VTCN1: variants seen among roughly 807,000 people sequenced by gnomAD.
VTCN1 encodes V-set domain containing T cell activation inhibitor 1.
VTCN1 carries 26 observed loss-of-function variants against 26.5 expected under a neutral mutation model. The observed-to-expected ratio is 0.98, with a 90% confidence interval of 0.72 to 1.36. VTCN1 has a LOEUF of 1.36. Ranked by LOEUF, VTCN1 falls within the 40% of genes most tolerant of loss-of-function variation. The pLI, the probability that VTCN1 is intolerant of heterozygous loss-of-function variation, is 0.00. For missense variants in VTCN1, 298 were observed against 337.7 expected, an observed-to-expected ratio of 0.88 and a Z score of 0.92; for synonymous variants, 116 against 130.7, an observed-to-expected ratio of 0.89 and a Z score of 0.77.
At chr1:117,184,486 A>G (rs992473786) in intron 1 of VTCN1, among the ~76,000 whole-genome samples, 3 of 152,200 alleles carry the variant, frequency 2.0e-5, no homozygotes, top group African/African-American at 7.2e-5. Flanking sequence ...AAGTGACTTT[A>G]AGCAATTTTT....
At chr1:117,163,410 T>C (rs993471311) in intron 2 of VTCN1, among the ~76,000 whole-genome samples, 2 of 152,210 alleles carry the variant, frequency 1.3e-5, no homozygotes, top group African/African-American at 4.8e-5. Flanking sequence ...AAGTGCTAAA[T>C]ATTGTACCTG....
intron 3 of VTCN1, among the ~76,000 whole-genome samples, chr1:117,153,628 T>A (rs551740871): frequency 5.3e-5 from 8 of 152,154 alleles, no homozygotes; most frequent in African/African-American, 1.9e-4. Context: ...ATTCTAGGTA[T>A]ATTATGGTTA....
intron 1 of VTCN1, among the ~76,000 whole-genome samples, chr1:117,174,592 C>A (rs867418487): frequency 7.9e-5 from 12 of 152,128 alleles, no homozygotes; most frequent in African/African-American, 2.7e-4. Flanking sequence ...CATGGTGAAA[C>A]CCTGTCTCTA....
intron 1 of VTCN1, among the ~76,000 whole-genome samples, chr1:117,203,153 T>C (rs1465073248): frequency 2.0e-5 from 3 of 151,476 alleles, no homozygotes; most frequent in Non-Finnish European, 4.4e-5. Flanking sequence ...GGGTAGCGGG[T>C]AGTTTTGGAT....
Position 117,156,638 on chromosome 1 carries a change from G to C in VTCN1, c.381C>G (p.Thr127=), listed in dbSNP as rs1652083620. ...LKNVQLTDAG[T]YKCYIITSKG... is the part of the protein sequence containing the mutation. The stretch of plus-strand genomic sequence containing the variant: ...TAGAAGTGATGATATAACATTTGTA[G>C]GTGCCAGCATCTGTGAGTTGCACGT... Residue 127 remains threonine (T), a synonymous_variant, in exon 3 of 6, where the codon ACC becomes ACG. Coordinates refer to ENST00000369458, the MANE Select transcript of VTCN1 (RefSeq NM_024626.4). 1 of 1,613,768 alleles carries C rather than the reference G, an allele frequency of 6.2e-7. No individual in the cohort carries two copies. The highest frequency in any genetic ancestry group is 8.5e-7 in the Non-Finnish European group (1 of 1,179,944).
chr1:117,204,253 CACTT>C (rs1206113735), intron 1 of VTCN1, among the ~76,000 whole-genome samples: 5 of 152,166 alleles, frequency 3.3e-5, no homozygotes, highest in African/African-American at 9.7e-5. Flanking sequence ...TTTATTAACT[CACTT>C]AGTCTTTATA....
Position 117,175,666 on chromosome 1 carries a change from G to A in VTCN1, c.33-5495C>T, listed in dbSNP as rs1257238621. ...ATTCCCGTTTTGCAACCACACATGA[G>A]CTCATTGATGCTATAGAAACATATA... On this transcript the variant is annotated intron_variant, in intron 1 of 5. Coordinates refer to ENST00000369458, the MANE Select transcript of VTCN1 (RefSeq NM_024626.4). The surrounding 1 kb of genome is among the most constrained non-coding windows in gnomAD (Gnocchi z 4.2). Among the ~76,000 whole-genome samples, 5 of 152,152 alleles carry A rather than the reference G, an allele frequency of 3.3e-5. No homozygotes were observed. The South Asian group carries it at 8.3e-4, about 25-fold the overall frequency.
chr1:117,198,929 A>G (rs746254143), intron 1 of VTCN1, among the ~76,000 whole-genome samples: 1 of 152,226 alleles, frequency 6.6e-6, no homozygotes, highest in Non-Finnish European at 1.5e-5. Context: ...CCTGAAAAAT[A>G]TGACTTTGGA....
At chr1:117,171,166 C>A (rs1265776991) in intron 1 of VTCN1, among the ~76,000 whole-genome samples, 1 of 152,162 alleles carries the variant, frequency 6.6e-6, no homozygotes, top group Non-Finnish European at 1.5e-5. Context: ...ATCCATGTTC[C>A]TGCAAAGGAC....
At chr1:117,151,873 C>T (rs1204828417) in intron 4 of VTCN1, among the ~76,000 whole-genome samples, 1 of 152,046 alleles carries the variant, frequency 6.6e-6, no homozygotes, top group South Asian at 2.1e-4. Context: ...TCTGTTTTTG[C>T]CTTATTTTGT....
chr1:117,178,994 C>T (rs1361589761), intron 1 of VTCN1, among the ~76,000 whole-genome samples: 3 of 152,150 alleles, frequency 2.0e-5, no homozygotes, highest in East Asian at 1.9e-4. Context: ...TACAAAACCA[C>T]GGGAATCTCA....
Position 117,147,044 on chromosome 1 carries a change from C to CT in VTCN1, c.*45+568dup, listed in dbSNP as rs1392045317. ...CCCTGGAGGCTTGGTGGGGATGCCA[C>CT]TGAGTAATATGGGAGTATCGACTGG... On this transcript the variant is annotated intron_variant, in intron 5 of 5. Coordinates refer to ENST00000369458, the MANE Select transcript of VTCN1 (RefSeq NM_024626.4). The surrounding 1 kb of genome is among the most constrained non-coding windows in gnomAD (Gnocchi z 4.6). Among the ~76,000 whole-genome samples, 1 of 152,100 alleles carries CT rather than the reference C, an allele frequency of 6.6e-6. No homozygotes were observed. Among genetic ancestry groups the CT allele is most frequent in the Admixed American group, 6.5e-5 (1 of 15,270 alleles).
chr1:117,183,507 A>G lies in VTCN1; in HGVS notation c.33-13336T>C, dbSNP rs1409066948. 6.6e-6 allele frequency among the ~76,000 whole-genome samples: 1 copy of G among 152,226 alleles called. No homozygotes were observed. Among genetic ancestry groups the G allele is most frequent in the African/African-American group, 2.4e-5 (1 of 41,460 alleles). ...AATTGTGGTATCAGAAATCTTGCTG[A>G]TGCTATAAATTGTAACAAAATGCCT... On this transcript the variant is annotated intron_variant, in intron 1 of 5. Transcript: ENST00000369458. This position sits in a 1 kb window ranked among gnomAD's most constrained non-coding sequence, Gnocchi z 4.1.
chr1:117,148,619 C>A (rs749773193), intron 4 of VTCN1, among the ~76,000 whole-genome samples: 5 of 152,132 alleles, frequency 3.3e-5, no homozygotes, highest in Admixed American at 6.5e-5. Flanking sequence ...CTAGATATGT[C>A]ATTTAAAAAC....
At chr1:117,206,803 G>T (rs535824509) in intron 1 of VTCN1, among the ~76,000 whole-genome samples, 2 of 152,184 alleles carry the variant, frequency 1.3e-5, no homozygotes, top group Non-Finnish European at 2.9e-5. Flanking sequence ...GTGGAGATGG[G>T]GGAAAAGCAT....
At position 117,182,275 on chromosome 1, in the gene VTCN1, T is replaced by C. The variant is rs1647709449; in HGVS notation, c.33-12104A>G. ...GTCCTCCCAGTGAAAAGCAGACCAC[T>C]GTATCCTAGAAGTAAGTAGAGGATG... On this transcript the variant is annotated intron_variant, in intron 1 of 5. Transcript: ENST00000369458. 3.3e-5 allele frequency among the ~76,000 whole-genome samples: 5 copies of C among 152,222 alleles called. No homozygotes were observed. In the South Asian group the frequency reaches 1.0e-3, roughly 32 times the overall value.
intron 1 of VTCN1, among the ~76,000 whole-genome samples, chr1:117,210,374 C>T (rs185607996): frequency 3.5e-4 from 53 of 152,312 alleles, no homozygotes; most frequent in Non-Finnish European, 6.8e-4. Flanking sequence ...AATGAAAGCA[C>T]ATTCTCCTCC....
chr1:117,186,993 A>C (rs1048624732), intron 1 of VTCN1, among the ~76,000 whole-genome samples: 1 of 152,000 alleles, frequency 6.6e-6, no homozygotes, highest in Non-Finnish European at 1.5e-5. Flanking sequence ...ACCTTTAAAA[A>C]AGGAGCTTTT....
At chr1:117,188,847 T>C (rs1232776895) in intron 1 of VTCN1, among the ~76,000 whole-genome samples, 1 of 152,248 alleles carries the variant, frequency 6.6e-6, no homozygotes, top group Non-Finnish European at 1.5e-5. Flanking sequence ...GCGAATAATT[T>C]TAGGTCGTTT....
Sources: allele counts gnomAD v4.1 joint callset (sites outside exome capture counted in the v4.1 genomes callset), GRCh38; gene constraint gnomAD v4.1.1; non-coding constraint Gnocchi (gnomAD v3.1); transcripts MANE v1.5; gene names NCBI Gene and HGNC (gene_info 2026-07-23, HGNC 2026-07-21).